Variants in HMGCLL1 observed in about 807,000 individuals in gnomAD.
The protein encoded by HMGCLL1 is 3-hydroxy-3-methylglutaryl-CoA lyase like 1, also known as 3-hydroxymethyl-3-methylglutaryl-CoA lyase, cytoplasmic.
HMGCLL1 carries 36 observed loss-of-function variants against 39.1 expected under a neutral mutation model. The ratio of observed to expected loss-of-function variants is 0.92; its 90% CI spans 0.71 to 1.22. The LOEUF (loss-of-function observed/expected upper bound fraction) is 1.22, where lower values mean the gene tolerates loss of function less well. HMGCLL1 is among the 50% of genes most tolerant of loss of function. HMGCLL1 has a pLI of 0.00. For missense variants in HMGCLL1, 451 were observed against 416.5 expected (o/e 1.08, Z -0.72); for synonymous variants, 149 against 144.0 (o/e 1.03, Z -0.25).
chr6:55,487,049 A>G (rs912314762), intron 7 of HMGCLL1, among the ~76,000 whole-genome samples: 1 of 152,050 alleles, frequency 6.6e-6, no homozygotes, highest in Admixed American at 6.6e-5. Context: ...ACCTTTTAAT[A>G]CCATCACACT....
intron 7 of HMGCLL1, among the ~76,000 whole-genome samples, chr6:55,477,723 A>C (rs1369434761): frequency 6.7e-6 from 1 of 149,474 alleles, no homozygotes; most frequent in Non-Finnish European, 1.5e-5. Context: ...ACTTCTAATA[A>C]ATTTTCTAAT....
intron 5 of HMGCLL1, 118 bp downstream of exon 5, chr6:55,513,930 T>C (rs1213111004): frequency 1.1e-5 from 10 of 885,628 alleles, no homozygotes; most frequent in Non-Finnish European, 1.7e-5. Context: ...TTAAACAAAA[T>C]AGAAATATGA....
intron 1 of HMGCLL1, chr6:55,563,853 G>A: frequency 1.6e-6 from 2 of 1,286,200 alleles, no homozygotes; most frequent in Non-Finnish European, 2.0e-6. Context: ...CCTCAAATAT[G>A]ATGGGGATCA....
the HMGCLL1 span, among the ~76,000 whole-genome samples, chr6:55,668,813 G>A: frequency 2.6e-5 from 4 of 151,574 alleles, no homozygotes; most frequent in Non-Finnish European, 4.4e-5. Context: ...TCCTGTATTC[G>A]CTCATGACTT....
Position 55,549,535 on chromosome 6 carries a change from C to T in HMGCLL1, c.109-7395G>A, listed in dbSNP as rs2127463668. Among the ~76,000 whole-genome samples the T allele has an allele frequency of 1.3e-5, 2 of 151,900 alleles. 1 individual carries two copies. The highest frequency in any genetic ancestry group is 4.8e-5 in the African/African-American group (2 of 41,298). Reference sequence around the variant, plus strand: ...GTTTATAATAGAAAATGAAACTATTCATATTAAGCCAGTTATACCAGCAGC... The same window carrying T: ...GTTTATAATAGAAAATGAAACTATTTATATTAAGCCAGTTATACCAGCAGC... On this transcript the variant is annotated intron_variant, in intron 1 of 8. Coordinates refer to ENST00000274901, the MANE Select transcript of HMGCLL1 (RefSeq NM_001042406.2).
At chr6:55,440,277 T>A (rs776821356) in intron 7 of HMGCLL1, among the ~76,000 whole-genome samples, 90 of 152,234 alleles carry the variant, frequency 5.9e-4, no homozygotes, top group African/African-American at 2.0e-3. Context: ...TCTTGTATCA[T>A]CCCCAGTTCT....
chr6:55,542,588 G>A (rs573128786), intron 1 of HMGCLL1, among the ~76,000 whole-genome samples: 591 of 151,554 alleles, frequency 3.9e-3, no homozygotes, highest in Non-Finnish European at 5.9e-3. Flanking sequence ...GATCAGCCTG[G>A]CCAACATAGT....
At chr6:55,583,469 G>A (rs1311279714), upstream of HMGCLL1, among the ~76,000 whole-genome samples, 35 of 151,906 alleles carry the variant, frequency 2.3e-4, no homozygotes, top group Non-Finnish European at 1.5e-5. Flanking sequence ...CCTTGCGATA[G>A]TTTACTGAGA....
At chr6:55,502,573 C>T (rs1043903084) in intron 5 of HMGCLL1, among the ~76,000 whole-genome samples, 3 of 151,710 alleles carry the variant, frequency 2.0e-5, no homozygotes, top group Non-Finnish European at 3.0e-5. Context: ...CTAAGCTGCA[C>T]ATAATCTGTT....
the HMGCLL1 span, among the ~76,000 whole-genome samples, chr6:55,630,133 T>A: frequency 5.3e-5 from 8 of 152,096 alleles, no homozygotes; most frequent in African/African-American, 1.9e-4. Context: ...TGTGAAAGCA[T>A]CTAGAAGGAG....
At chr6:55,555,238 C>G (rs1770587926) in intron 1 of HMGCLL1, among the ~76,000 whole-genome samples, 1 of 152,130 alleles carries the variant, frequency 6.6e-6, no homozygotes, top group African/African-American at 2.4e-5. Flanking sequence ...TTTGCATTTG[C>G]CCCTGTTGGA....
At chr6:55,666,390 A>G in the HMGCLL1 span, among the ~76,000 whole-genome samples, 2,053 of 151,798 alleles carry the variant, frequency 0.014, 52 homozygotes, top group African/African-American at 0.047. Context: ...CAGTTACTGT[A>G]CTTTGTGAAG....
the HMGCLL1 span, among the ~76,000 whole-genome samples, chr6:55,619,321 T>G: frequency 1.3e-5 from 2 of 152,118 alleles, no homozygotes; most frequent in Non-Finnish European, 2.9e-5. Flanking sequence ...AAATTCACAT[T>G]CCTCATAAAA....
the HMGCLL1 span, among the ~76,000 whole-genome samples, chr6:55,607,252 A>G: frequency 7.2e-5 from 11 of 152,206 alleles, no homozygotes; most frequent in Non-Finnish European, 1.6e-4. Context: ...ATTTCTAACA[A>G]AAATTACTCT....
chr6:55,469,471 G>A (rs1222305671), intron 7 of HMGCLL1, among the ~76,000 whole-genome samples: 5 of 147,830 alleles, frequency 3.4e-5, no homozygotes, highest in African/African-American at 5.0e-5. Context: ...GTATATATGT[G>A]TGTGTGTGTG....
Position 55,579,113 on chromosome 6 carries a change from G to A in HMGCLL1, c.-58C>T, listed in dbSNP as rs1488198834. On this transcript the variant is annotated 5_prime_UTR_variant, in exon 1 of 9. Coordinates refer to ENST00000274901, the MANE Select transcript of HMGCLL1 (RefSeq NM_001042406.2). ...GGGAGACTGGAGGAGGATGAGGGGC[G>A]GGCACCGCGCTGGGAAACTGCGCCA... 7.5e-7 allele frequency: 1 copy of A among 1,331,912 alleles called. No homozygotes were observed. Among genetic ancestry groups the A allele is most frequent in the Non-Finnish European group, 1.1e-6 (1 of 944,508 alleles). 82.5% of individuals were successfully genotyped at this position (1,331,912 alleles called of 1,614,324 possible).
At chr6:55,554,268 C>A (rs1459094479) in intron 1 of HMGCLL1, among the ~76,000 whole-genome samples, 1 of 152,132 alleles carries the variant, frequency 6.6e-6, no homozygotes, top group East Asian at 1.9e-4. Context: ...ATCTTCTTCA[C>A]AAGCTAGGCT....
At chr6:55,455,569 G>C (rs1764287641) in intron 7 of HMGCLL1, among the ~76,000 whole-genome samples, 1 of 152,156 alleles carries the variant, frequency 6.6e-6, no homozygotes. Context: ...TATTTGCCTT[G>C]GAAAAGGCTG....
intron 3 of HMGCLL1, among the ~76,000 whole-genome samples, chr6:55,523,840 CATT>C (rs944539255): frequency 6.6e-6 from 1 of 151,894 alleles, no homozygotes; most frequent in Non-Finnish European, 1.5e-5. Flanking sequence ...TTCTTCCAAA[CATT>C]ATATACATAC....
Sources: gnomAD v4.1 joint callset for allele counts (sites outside exome capture counted in the v4.1 genomes callset) on GRCh38, gnomAD v4.1.1 for gene constraint, MANE v1.5 for transcripts, NCBI Gene and HGNC (gene_info 2026-07-23, HGNC 2026-07-21) for gene names.